The following SRGAP1 variants were observed in gnomAD, a reference collection of about 807,000 sequenced individuals.
SRGAP1 encodes SLIT-ROBO Rho GTPase-activating protein 1.
SRGAP1 carries 43 observed loss-of-function variants against 121.9 expected under a neutral mutation model. The observed-to-expected ratio is 0.35, with a 90% CI of 0.28 to 0.46. SRGAP1 has a LOEUF of 0.46. SRGAP1 is among the 20% of genes least tolerant of loss of function. The pLI is 1.00. For synonymous variants in SRGAP1, 447 were observed against 485.4 expected (o/e 0.92, Z 1.04); for missense variants, 1,102 against 1,350.9 (o/e 0.82, Z 2.89).
intron 6 of SRGAP1, among the ~76,000 whole-genome samples, chr12:64,044,095 C>G (rs2035077822): frequency 6.6e-6 from 1 of 152,146 alleles, no homozygotes; most frequent in South Asian, 2.1e-4. Flanking sequence ...ACAGATGTAA[C>G]TAAGTCTCTG....
At chr12:64,098,845 C>G (rs1172579636) in intron 15 of SRGAP1, among the ~76,000 whole-genome samples, 1 of 152,206 alleles carries the variant, frequency 6.6e-6, no homozygotes, top group Non-Finnish European at 1.5e-5. Context: ...TTTCCCACCT[C>G]CATCCACTTG....
chr12:64,120,165 C>A (rs1297239484), intron 18 of SRGAP1, among the ~76,000 whole-genome samples: 1 of 152,092 alleles, frequency 6.6e-6, no homozygotes, highest in Non-Finnish European at 1.5e-5. Flanking sequence ...TATTCATTAG[C>A]GCTTCCCATC....
chr12:64,035,048 A>G (rs2034871066), intron 4 of SRGAP1, among the ~76,000 whole-genome samples: 1 of 141,170 alleles, frequency 7.1e-6, no homozygotes, highest in African/African-American at 2.6e-5. Context: ...GGAACAAGAA[A>G]AAAAAAAAAA....
chr12:64,116,786 C>T (rs1439437775), intron 18 of SRGAP1, among the ~76,000 whole-genome samples: 1 of 152,186 alleles, frequency 6.6e-6, no homozygotes, highest in Non-Finnish European at 1.5e-5. Context: ...TTCAGCTTTA[C>T]TCTATACTGT....
chr12:63,989,518 G>A (rs536284212), intron 2 of SRGAP1, among the ~76,000 whole-genome samples: 9 of 143,778 alleles, frequency 6.3e-5, no homozygotes, highest in Non-Finnish European at 9.0e-5. Context: ...TTTGTATGCC[G>A]TGGCAAAACC....
intron 1 of SRGAP1, among the ~76,000 whole-genome samples, chr12:63,859,303 G>A (rs980019647): frequency 2.0e-5 from 3 of 152,194 alleles, no homozygotes; most frequent in South Asian, 4.1e-4. Flanking sequence ...GGGATTACAG[G>A]TATGCACCAC....
chr12:64,127,579 T>C lies in SRGAP1; in HGVS notation c.2406-11T>C. ...TAGTAAATTTTGTCTCCATTCCTCT[T>C]ACTGCTTCAGGGATGATACGTTTTC... On this transcript the variant is annotated splice_polypyrimidine_tract_variant and intron_variant, in intron 19 of 21. Transcript: ENST00000355086. The C allele has an allele frequency of 6.2e-7, 1 of 1,600,164 alleles. No individual in the cohort carries two copies. The highest frequency in any genetic ancestry group is 1.1e-5 in the South Asian group (1 of 88,726).
chr12:64,094,043 C>T (rs546643706), intron 12 of SRGAP1, among the ~76,000 whole-genome samples: 1 of 152,144 alleles, frequency 6.6e-6, no homozygotes, highest in African/African-American at 2.4e-5. Context: ...TAACCATTTT[C>T]GAGCCCTGTG....
Position 64,063,114 on chromosome 12 carries a change from G to C in SRGAP1, c.999G>C (p.Glu333Asp), listed in dbSNP as rs374079925. 4.3e-6 allele frequency: 7 copies of C among 1,613,564 alleles called. No homozygotes were observed. The change falls in exon 7 of 22, where the codon GAG becomes GAC. Residue 333 changes from glutamate (E) to aspartate (D), a missense_variant. By Grantham distance (45) the Glu-to-Asp change is conservative. Transcript: ENST00000355086. ...PAAFCPPMKFEFQSHMGDEVC... is the reference protein window; with the variant it reads ...PAAFCPPMKFDFQSHMGDEVC... Reference sequence around the variant, plus strand: ...CGTTCTGTCCACCAATGAAGTTTGAGTTTCAGTCTCACATGGGTGATGAGG... The same window carrying C: ...CGTTCTGTCCACCAATGAAGTTTGACTTTCAGTCTCACATGGGTGATGAGG...
At chr12:64,107,878 T>A (rs2136610607) in intron 15 of SRGAP1, among the ~76,000 whole-genome samples, 1 of 152,292 alleles carries the variant, frequency 6.6e-6, no homozygotes, top group East Asian at 1.9e-4. Flanking sequence ...AGGTACAGCT[T>A]TACAAAGTGG....
chr12:64,032,537 C>A (rs1344978606), intron 4 of SRGAP1: 2 of 1,165,684 alleles, frequency 1.7e-6, no homozygotes, highest in Non-Finnish European at 1.3e-6. Context: ...CACAGAGTGA[C>A]CCAAGGCAGT....
intron 3 of SRGAP1, among the ~76,000 whole-genome samples, chr12:63,999,658 A>G (rs1313245720): frequency 1.3e-5 from 2 of 152,142 alleles, no homozygotes; most frequent in Non-Finnish European, 2.9e-5. Context: ...CTCAGGACAC[A>G]GAGGCTGTGA....
At chr12:64,016,839 C>A in intron 3 of SRGAP1, 111 bp from the exon 4 acceptor site, 2 of 605,798 alleles carry the variant, frequency 3.3e-6, no homozygotes. Context: ...ATGTTTACTA[C>A]AGAGGCTTGC....
intron 1 of SRGAP1, among the ~76,000 whole-genome samples, chr12:63,937,448 A>G (rs550426631): frequency 1.1e-3 from 174 of 152,326 alleles, no homozygotes; most frequent in Non-Finnish European, 2.1e-3. Flanking sequence ...AGATGTGGAT[A>G]ATTTAGCATT....
intron 8 of SRGAP1, among the ~76,000 whole-genome samples, chr12:64,070,901 T>C (rs1473012670): frequency 6.6e-6 from 1 of 152,124 alleles, no homozygotes; most frequent in Non-Finnish European, 1.5e-5. Context: ...GATCAAACTC[T>C]CATGGGGGAT....
At chr12:64,023,648 ACT>A (rs1485205242) in intron 4 of SRGAP1, among the ~76,000 whole-genome samples, 2 of 152,064 alleles carry the variant, frequency 1.3e-5, no homozygotes, top group African/African-American at 2.4e-5. Context: ...TGATTATCAC[ACT>A]CTCTATGCAT....
chr12:63,958,400 C>CAAA (rs1438272824), intron 1 of SRGAP1, among the ~76,000 whole-genome samples: 1 of 152,148 alleles, frequency 6.6e-6, no homozygotes, highest in Non-Finnish European at 1.5e-5. Flanking sequence ...CCCTCCTTAC[C>CAAA]AAAAGGCTGT....
chr12:64,106,802 G>A (rs2036351549), intron 15 of SRGAP1, among the ~76,000 whole-genome samples: 2 of 152,078 alleles, frequency 1.3e-5, no homozygotes, highest in South Asian at 2.1e-4. Context: ...TGCAATAGAC[G>A]TAACCCTAAT....
At chr12:64,032,344 C>A (rs2034799284) in intron 4 of SRGAP1, 1 of 344,790 alleles carries the variant, frequency 2.9e-6, no homozygotes, top group African/African-American at 2.2e-5. Flanking sequence ...CCCCCTCCCA[C>A]CTGGCTGTGT....
Sources: allele counts gnomAD v4.1 joint callset (sites outside exome capture counted in the v4.1 genomes callset), GRCh38; gene constraint gnomAD v4.1.1; transcripts MANE v1.5; gene names NCBI Gene and HGNC (gene_info 2026-07-23, HGNC 2026-07-21).